IGSF5: variants seen among roughly 807,000 people sequenced by gnomAD.
IGSF5 encodes the protein immunoglobulin superfamily 5 like.
A neutral mutation model predicts 39.4 loss-of-function variants in IGSF5; 41 were observed. The ratio of observed to expected loss-of-function variants is 1.04; its 90% CI spans 0.81 to 1.35. The LOEUF (loss-of-function observed/expected upper bound fraction) is 1.35. Ranked by LOEUF, IGSF5 falls within the 40% of genes most tolerant of loss-of-function variation. The probability of loss-of-function intolerance (pLI) is 0.00; values close to 1 mark genes in which losing one functional copy is unlikely to be tolerated. For synonymous variants in IGSF5, 183 were observed against 175.3 expected (o/e 1.04, Z -0.34); for missense variants, 487 against 494.6 (o/e 0.98, Z 0.15).
intron 1 of IGSF5, 83 bp from the exon 2 acceptor site, chr21:39,746,133 T>C (rs2079973211): frequency 7.2e-6 from 5 of 698,478 alleles, no homozygotes; most frequent in Non-Finnish European, 1.3e-5. Flanking sequence ...TCGATTAGGA[T>C]GAACCCAGGC....
chr21:39,732,361 T>C, the IGSF5 span, among the ~76,000 whole-genome samples: 3 of 152,250 alleles, frequency 2.0e-5, no homozygotes, highest in East Asian at 5.8e-4. Flanking sequence ...ATAACTTAAA[T>C]GAGACCATTA....
At chr21:39,755,896 G>C (rs532801133) in intron 2 of IGSF5, among the ~76,000 whole-genome samples, 101 of 151,912 alleles carry the variant, frequency 6.6e-4, no homozygotes, top group Non-Finnish European at 1.2e-3. Context: ...CTGAGGTCAG[G>C]AGTTTGAGAC....
intron 3 of IGSF5, among the ~76,000 whole-genome samples, chr21:39,769,527 T>A (rs17406310): frequency 0.03 from 4,332 of 144,364 alleles, 223 homozygotes; most frequent in African/African-American, 0.1. Context: ...TTCAAGAATA[T>A]CCACAATTAT....
chr21:39,717,355 C>G, the IGSF5 span, among the ~76,000 whole-genome samples: 2 of 152,130 alleles, frequency 1.3e-5, no homozygotes, highest in African/African-American at 2.4e-5. Flanking sequence ...AATTAGATAC[C>G]ATTTGTCAAT....
At chr21:39,762,274 G>A (rs62237177) in intron 2 of IGSF5, among the ~76,000 whole-genome samples, 2 of 152,210 alleles carry the variant, frequency 1.3e-5, no homozygotes, top group African/African-American at 4.8e-5. Flanking sequence ...AGGAGATCCT[G>A]AGGACAGTGC....
At chr21:39,790,818 A>G (rs1194545446) in intron 6 of IGSF5, among the ~76,000 whole-genome samples, 2 of 152,212 alleles carry the variant, frequency 1.3e-5, no homozygotes, top group Non-Finnish European at 2.9e-5. Flanking sequence ...CCAACAATGG[A>G]TCAAAAATAT....
At chr21:39,747,383 C>T (rs1299485908) in intron 2 of IGSF5, among the ~76,000 whole-genome samples, 1 of 152,150 alleles carries the variant, frequency 6.6e-6, no homozygotes, top group Non-Finnish European at 1.5e-5. Context: ...TATGGGAGGA[C>T]AATTCAAGAT....
the IGSF5 span, among the ~76,000 whole-genome samples, chr21:39,716,152 C>T: frequency 4.6e-5 from 7 of 152,106 alleles, no homozygotes; most frequent in Non-Finnish European, 8.8e-5. Context: ...TGCACCACTG[C>T]GGAGGAGGCA....
the IGSF5 span, among the ~76,000 whole-genome samples, chr21:39,735,497 A>G: frequency 2.0e-5 from 3 of 152,188 alleles, no homozygotes; most frequent in Admixed American, 6.5e-5. Context: ...TTTTAAAAAT[A>G]TTTTCTAAAT....
intron 8 of IGSF5, among the ~76,000 whole-genome samples, chr21:39,793,922 A>G (rs1045256134): frequency 2.6e-5 from 4 of 152,134 alleles, no homozygotes; most frequent in Non-Finnish European, 5.9e-5. Context: ...AGCAGCATAT[A>G]TAATGTGCCA....
the IGSF5 span, among the ~76,000 whole-genome samples, chr21:39,737,729 G>A: frequency 6.6e-6 from 1 of 152,224 alleles, no homozygotes; most frequent in Non-Finnish European, 1.5e-5. Flanking sequence ...CATTGGATAT[G>A]TATCGTTGCA....
intron 5 of IGSF5, among the ~76,000 whole-genome samples, chr21:39,784,035 CAGTT>C (rs137939609): frequency 0.01 from 1,594 of 152,248 alleles, 24 homozygotes; most frequent in African/African-American, 0.036. Context: ...TGCCAAAAAT[CAGTT>C]AGCTGTAAAT....
intron 4 of IGSF5, among the ~76,000 whole-genome samples, chr21:39,775,381 G>A (rs1444931804): frequency 1.3e-5 from 2 of 152,208 alleles, no homozygotes; most frequent in Non-Finnish European, 2.9e-5. Flanking sequence ...GAGATCTCTT[G>A]TGTCGCCTCT....
chr21:39,769,253 C>T (rs1035209968), intron 3 of IGSF5, among the ~76,000 whole-genome samples: 1 of 152,062 alleles, frequency 6.6e-6, no homozygotes, highest in Non-Finnish European at 1.5e-5. Context: ...AGGCGGGCAG[C>T]TCACTTGAGC....
At chr21:39,786,195 T>C (rs958827424) in intron 5 of IGSF5, among the ~76,000 whole-genome samples, 4 of 152,062 alleles carry the variant, frequency 2.6e-5, no homozygotes, top group African/African-American at 7.2e-5. Context: ...AGAAAATTTT[T>C]GCAACCTGCT....
Position 39,779,109 on chromosome 21 carries a change from T to C in IGSF5, c.738T>C (p.Asn246=), listed in dbSNP as rs1303351148. Residue 246 remains asparagine, a synonymous_variant, in exon 5 of 9, where the codon AAT becomes AAC. Coordinates refer to ENST00000380588, the MANE Select transcript of IGSF5 (RefSeq NM_001080444.2). Reference sequence around the variant, plus strand: ...CTTTAGACACTGGAGGTGGTATTAATATTCCAGGTGTATTATCAAGTTTAC... The same window carrying C: ...CTTTAGACACTGGAGGTGGTATTAACATTCCAGGTGTATTATCAAGTTTAC... ...RCPQDTGGGI[N]IPGVLSSLPS... is the part of the protein sequence containing the mutation. 6.2e-7 allele frequency: 1 copy of C among 1,612,614 alleles called. No individual in the cohort carries two copies. Among genetic ancestry groups the C allele is most frequent in the Non-Finnish European group, 8.5e-7 (1 of 1,178,636 alleles).
At chr21:39,750,227 G>A (rs768639464) in intron 2 of IGSF5, among the ~76,000 whole-genome samples, 1 of 152,086 alleles carries the variant, frequency 6.6e-6, no homozygotes. Flanking sequence ...GCCTCCCCTG[G>A]CCCCATTTAC....
chr21:39,794,319 A>T (rs538695331), intron 8 of IGSF5, among the ~76,000 whole-genome samples: 1 of 152,298 alleles, frequency 6.6e-6, no homozygotes, highest in Admixed American at 6.5e-5. Flanking sequence ...TCTCTGTTAG[A>T]TGTCCACATG....
intron 1 of IGSF5, among the ~76,000 whole-genome samples, chr21:39,745,779 A>G (rs1435967645): frequency 6.6e-6 from 1 of 152,188 alleles, no homozygotes; most frequent in East Asian, 1.9e-4. Flanking sequence ...CGGCCACGCT[A>G]ATCGTTTTTA....
Sources: allele counts gnomAD v4.1 joint callset (sites outside exome capture counted in the v4.1 genomes callset), GRCh38; gene constraint gnomAD v4.1.1; transcripts MANE v1.5; gene names NCBI Gene and HGNC (gene_info 2026-07-23, HGNC 2026-07-21).